The following OPHN1 variants were observed in gnomAD, a reference collection of about 807,000 sequenced individuals.
OPHN1 encodes oligophrenin-1.
Under a neutral mutation model 60.7 loss-of-function variants are expected in OPHN1, and 11 were observed. The observed-to-expected ratio is 0.18, with a 90% CI of 0.11 to 0.30. OPHN1 has a LOEUF of 0.30. Ranked by LOEUF, OPHN1 falls within the 10% of genes least tolerant of loss-of-function variation. The probability of loss-of-function intolerance (pLI) is 1.00; values close to 1 mark genes in which losing one functional copy is unlikely to be tolerated. For missense variants in OPHN1, 449 were observed against 611.0 expected (o/e 0.73, Z 2.80); for synonymous variants, 226 against 222.6 (o/e 1.02, Z -0.14).
Position 68,429,150 on chromosome X carries a change from G to A in OPHN1, c.154+3717C>T, listed in dbSNP as rs185336933. 1.3e-4 allele frequency among the ~76,000 whole-genome samples: 14 copies of A among 111,155 alleles called. No individual in the cohort carries two copies. The East Asian group carries it at 3.4e-3, about 27-fold the overall frequency. The stretch of plus-strand genomic sequence containing the variant: ...GTAAAAGTGATTTGGGGCCAGGCAC[G>A]GTGGCTCATGCCTGTAATTCTTGCA... On this transcript the variant is annotated intron_variant, in intron 2 of 24. Coordinates refer to ENST00000355520, the MANE Select transcript of OPHN1 (RefSeq NM_002547.3).
At chrX:68,385,079 G>A (rs2078617721) in intron 2 of OPHN1, among the ~76,000 whole-genome samples, 1 of 111,346 alleles carries the variant, frequency 9.0e-6, no homozygotes, top group South Asian at 3.8e-4. Context: ...AAAAAAATCA[G>A]TATAAATGTA....
At chrX:68,330,863 TTA>T (rs2078290970) in intron 2 of OPHN1, among the ~76,000 whole-genome samples, 1 of 107,119 alleles carries the variant, frequency 9.3e-6, no homozygotes, top group African/African-American at 3.3e-5. Context: ...ATTTATATAT[TTA>T]TATAACTAAA....
chrX:68,259,017 T>C (rs1416770714), intron 5 of OPHN1, among the ~76,000 whole-genome samples: 1 of 112,069 alleles, frequency 8.9e-6, no homozygotes, highest in Non-Finnish European at 1.9e-5. Context: ...CTAGTAAAAA[T>C]GCATAGATTC....
At chrX:68,194,881 T>A (rs532422083) in intron 12 of OPHN1, among the ~76,000 whole-genome samples, 1 of 108,011 alleles carries the variant, frequency 9.3e-6, no homozygotes, top group South Asian at 4.1e-4. Flanking sequence ...GTCAGGAGAA[T>A]CTCTTGAACC....
chrX:68,236,639 G>T (rs1310595426), intron 5 of OPHN1, among the ~76,000 whole-genome samples: 1 of 111,470 alleles, frequency 9.0e-6, no homozygotes, highest in Non-Finnish European at 1.9e-5. Flanking sequence ...ATATTAACTG[G>T]AATCTGCATT....
intron 2 of OPHN1, among the ~76,000 whole-genome samples, chrX:68,355,202 T>C (rs905546564): frequency 2.7e-5 from 3 of 112,644 alleles, no homozygotes; most frequent in African/African-American, 9.7e-5. Flanking sequence ...TCTAGTTGTG[T>C]CAGAAAACTT....
rs761235323 is a variant in OPHN1, at chrX:68,402,206, G to A, written c.154+30661C>T. 1.8e-3 allele frequency among the ~76,000 whole-genome samples: 202 copies of A among 109,728 alleles called. 1 individual carries two copies. Among genetic ancestry groups the A allele is most frequent in the Non-Finnish European group, 2.3e-3 (120 of 52,744 alleles). ...ACGAATGCAAAAGACACTGCTGGAG[G>A]TAAATCTACCAGACTTAGGCATTTA... On this transcript the variant is annotated intron_variant, in intron 2 of 24. Transcript: ENST00000355520.
At chrX:68,125,893 C>A (rs1469857211) in intron 15 of OPHN1, among the ~76,000 whole-genome samples, 3 of 83,790 alleles carry the variant, frequency 3.6e-5, no homozygotes, top group African/African-American at 1.3e-4. Context: ...AACAAACTAA[C>A]AAACAAACAA....
intron 16 of OPHN1, 47 bp from the exon 17 acceptor site, chrX:68,113,286 G>C (rs2077112760): frequency 9.6e-7 from 1 of 1,037,879 alleles, no homozygotes; most frequent in African/African-American, 1.8e-5. Context: ...AAAGCAGCTG[G>C]GTATTGGATT....
At chrX:68,105,851 A>G (rs1052270665) in intron 18 of OPHN1, among the ~76,000 whole-genome samples, 1 of 110,651 alleles carries the variant, frequency 9.0e-6, no homozygotes, top group South Asian at 3.9e-4. Context: ...TAAAAACACA[A>G]TAAGGACATA....
intron 15 of OPHN1, among the ~76,000 whole-genome samples, chrX:68,160,035 G>A (rs2077327400): frequency 9.2e-6 from 1 of 108,130 alleles, no homozygotes; most frequent in South Asian, 4.0e-4. Context: ...GCTTTCTATA[G>A]CAAACACATG....
chrX:68,328,115 C>T (rs1473925864), intron 2 of OPHN1, among the ~76,000 whole-genome samples: 22 of 95,813 alleles, frequency 2.3e-4, no homozygotes, highest in Non-Finnish European at 4.2e-4. Context: ...AGGCGTGAGC[C>T]ACCGCGCCCG....
intron 5 of OPHN1, among the ~76,000 whole-genome samples, chrX:68,260,282 T>A (rs1213653539): frequency 9.0e-6 from 1 of 111,177 alleles, no homozygotes; most frequent in Admixed American, 9.6e-5. Flanking sequence ...TGACTGTTTT[T>A]TTTTAACTCA....
chrX:68,353,207 A>C (rs145347740), intron 2 of OPHN1, among the ~76,000 whole-genome samples: 101 of 109,286 alleles, frequency 9.2e-4, no homozygotes, highest in Non-Finnish European at 1.2e-3. Flanking sequence ...CAGGGAGATT[A>C]AGTGCAGGTT....
chrX:68,248,736 G>C (rs984757220), intron 5 of OPHN1, among the ~76,000 whole-genome samples: 26 of 112,129 alleles, frequency 2.3e-4, no homozygotes, highest in African/African-American at 8.1e-4. Flanking sequence ...TGTAGTATGT[G>C]TACACAGTGG....
chrX:68,149,887 C>T (rs1282157232), intron 15 of OPHN1, among the ~76,000 whole-genome samples: 5 of 110,819 alleles, frequency 4.5e-5, no homozygotes, highest in Admixed American at 9.6e-5. Context: ...AACTAAAAGG[C>T]GGAAACAGCT....
chrX:68,308,076 G>A (rs2078154635), intron 2 of OPHN1, among the ~76,000 whole-genome samples: 1 of 112,154 alleles, frequency 8.9e-6, no homozygotes. Context: ...ACTAAGACAG[G>A]AGTTTTAGTC....
chrX:68,073,892 A>T (rs923261491), intron 19 of OPHN1, among the ~76,000 whole-genome samples: 1 of 112,514 alleles, frequency 8.9e-6, no homozygotes, highest in African/African-American at 3.2e-5. Context: ...TTCTTTTATA[A>T]TTTCATGCCA....
chrX:68,112,061 G>GCGCA (rs59924749), intron 17 of OPHN1, 102 bp from the exon 18 acceptor site: 2 of 393,815 alleles, frequency 5.1e-6, no homozygotes, highest in Admixed American at 3.6e-5. Flanking sequence ...ATGCACACAT[G>GCGCA]CACACACACA....
Sources: gnomAD v4.1 joint callset for allele counts (sites outside exome capture counted in the v4.1 genomes callset) on GRCh38, gnomAD v4.1.1 for gene constraint, MANE v1.5 for transcripts, NCBI Gene and HGNC (gene_info 2026-07-23, HGNC 2026-07-21) for gene names.